The following USP14 variants were observed in gnomAD, a reference collection of about 807,000 sequenced individuals.
The protein encoded by USP14 is ubiquitin carboxyl-terminal hydrolase 14.
A neutral mutation model predicts 76.5 loss-of-function variants in USP14; 38 were observed. That is an observed-to-expected ratio of 0.50 (90% CI 0.38 to 0.65). The LOEUF is 0.65. Among genes scored for constraint, USP14 ranks in the 30% least tolerant of loss-of-function variants. USP14 has a pLI of 0.00. For missense variants in USP14, 467 were observed against 586.5 expected, an observed-to-expected ratio of 0.80 and a Z score of 2.10; for synonymous variants, 192 against 191.7, an observed-to-expected ratio of 1.00 and a Z score of -0.01.
chr18:200,584 C>T (rs1002073497), intron 10 of USP14, among the ~76,000 whole-genome samples: 9 of 152,146 alleles, frequency 5.9e-5, no homozygotes, highest in Admixed American at 3.3e-4. Flanking sequence ...TACGGACTCA[C>T]ATAAAATGTC....
chr18:158,706 T>C lies in USP14; in HGVS notation c.8T>C (p.Leu3Pro). Residue 3 changes from leucine (L) to proline (P), a missense_variant, in exon 1 of 16, where the codon CTC (leucine) becomes CCC (proline). By Grantham distance (98) the Leu-to-Pro change is moderately conservative (BLOSUM62 -3). Coordinates refer to ENST00000261601, the MANE Select transcript of USP14 (RefSeq NM_005151.4). ...CTCCCGCCGCGCCCCGCCATGCCGCTCTACTCCGGTGAGCCCTGTCCTGGC... is the reference window on the plus strand; with the variant it reads ...CTCCCGCCGCGCCCCGCCATGCCGCCCTACTCCGGTGAGCCCTGTCCTGGC... MPLYSVTVKWGKE... is the reference protein window; with the variant it reads MPPYSVTVKWGKE... 6.5e-7 allele frequency: 1 copy of C among 1,535,966 alleles called. No homozygotes were observed. Among genetic ancestry groups the C allele is most frequent in the Non-Finnish European group, 8.7e-7 (1 of 1,150,992 alleles).
In USP14 at chr18:213,346, TATC is replaced by T. The variant is rs59382008; in HGVS notation, c.*2068_*2070del. The T allele has an allele frequency of 2.0e-5, 3 of 151,932 alleles. No individual in the cohort carries two copies. The highest frequency in any genetic ancestry group is 2.9e-5 in the Non-Finnish European group (2 of 67,972). 9.4% of individuals were successfully genotyped at this position (151,932 alleles called of 1,614,324 possible). Reference sequence around the variant, plus strand: ...ATTTTAAAAATTGTAATTAATTCCTTATCATCATTATAAAAAGCTTGATTTTTT... The same window carrying T: ...ATTTTAAAAATTGTAATTAATTCCTTATCATTATAAAAAGCTTGATTTTTT... On this transcript the variant is annotated 3_prime_UTR_variant, in exon 16 of 16. Coordinates refer to ENST00000261601, the MANE Select transcript of USP14 (RefSeq NM_005151.4).
At chr18:174,090 A>G (rs1031167746) in intron 3 of USP14, among the ~76,000 whole-genome samples, 1 of 151,980 alleles carries the variant, frequency 6.6e-6, no homozygotes, top group Non-Finnish European at 1.5e-5. Context: ...TTTTCTCCAT[A>G]AGAGTCTGCT....
intron 7 of USP14, 135 bp from the exon 8 acceptor site, chr18:197,481 T>G: frequency 1.6e-6 from 1 of 630,104 alleles, no homozygotes; most frequent in Non-Finnish European, 2.7e-6. Flanking sequence ...TTTTGGAAGA[T>G]CGTATGTCTT....
chr18:182,141 C>T (rs1423798360), intron 5 of USP14, among the ~76,000 whole-genome samples: 1 of 152,052 alleles, frequency 6.6e-6, no homozygotes, highest in Non-Finnish European at 1.5e-5. Context: ...TTTATACCAT[C>T]GTATGAAAGG....
intron 3 of USP14, among the ~76,000 whole-genome samples, chr18:174,670 T>C (rs1268562822): frequency 6.6e-6 from 1 of 151,292 alleles, no homozygotes; most frequent in Admixed American, 6.6e-5. Context: ...AGTGGCACAA[T>C]CATAGCTCGC....
In USP14 at chr18:213,658, A is replaced by C. The variant is rs905551012; in HGVS notation, c.*2374A>C. Reference sequence around the variant, plus strand: ...TTAGGCCTAAGAGTGTTTACCGAATAATCTGCACTCACTCAGTAGCCCTTC... The same window carrying C: ...TTAGGCCTAAGAGTGTTTACCGAATCATCTGCACTCACTCAGTAGCCCTTC... On this transcript the variant is annotated 3_prime_UTR_variant, in exon 16 of 16. Transcript: ENST00000261601. The C allele has an allele frequency of 3.3e-5, 5 of 152,608 alleles. No homozygotes were observed. Among genetic ancestry groups the C allele is most frequent in the African/African-American group, 1.2e-4 (5 of 41,440 alleles). The allele number at this position is 152,608 out of a possible 1,614,324, so 9.5% of individuals were successfully genotyped here.
At chr18:199,394 CT>C in intron 10 of USP14, 78 bp downstream of exon 10, 1 of 990,278 alleles carries the variant, frequency 1.0e-6, no homozygotes, top group East Asian at 2.5e-5. Context: ...ATTCACTGGG[CT>C]TTAATGGTCA....
chr18:162,305 C>T (rs1909143498), intron 1 of USP14, among the ~76,000 whole-genome samples: 1 of 152,076 alleles, frequency 6.6e-6, no homozygotes, highest in African/African-American at 2.4e-5. Context: ...TACTTTTATT[C>T]CCCCCAGCAG....
chr18:210,807 G>A (rs1024852010), intron 15 of USP14, among the ~76,000 whole-genome samples: 2 of 152,182 alleles, frequency 1.3e-5, no homozygotes, highest in Non-Finnish European at 2.9e-5. Context: ...TAAATAGGAG[G>A]CAGCTGGGTT....
In USP14 at chr18:213,963, A is replaced by T. The variant is rs1910753900; in HGVS notation, c.*2679A>T. 3 of 142,136 alleles carry T rather than the reference A, an allele frequency of 2.1e-5. No homozygotes were observed. In the South Asian group the frequency reaches 6.6e-4, roughly 31 times the overall value. 8.8% of individuals were successfully genotyped at this position (142,136 alleles called of 1,614,324 possible). A position where few individuals can be genotyped will look rare whatever the true frequency, so the allele number is the denominator to read the frequency against. On this transcript the variant is annotated 3_prime_UTR_variant, in exon 16 of 16. Coordinates refer to ENST00000261601, the MANE Select transcript of USP14 (RefSeq NM_005151.4). ...CAAACAAACATTTTCTGTAATGGACAAGATAGATAGATTAGATAGATAGAT... is the reference window on the plus strand; with the variant it reads ...CAAACAAACATTTTCTGTAATGGACTAGATAGATAGATTAGATAGATAGAT...
At chr18:194,460 G>C (rs1445110307) in intron 6 of USP14, among the ~76,000 whole-genome samples, 1 of 152,094 alleles carries the variant, frequency 6.6e-6, no homozygotes, top group African/African-American at 2.4e-5. Context: ...TAAATTTACA[G>C]AAAAGTTGTA....
At chr18:188,635 G>A (rs1343298371) in intron 5 of USP14, among the ~76,000 whole-genome samples, 10 of 150,056 alleles carry the variant, frequency 6.7e-5, no homozygotes, top group Admixed American at 6.0e-4. Context: ...TGAAAGCCTT[G>A]CCCATGAAAT....
chr18:174,138 G>T (rs1030902273), intron 3 of USP14, among the ~76,000 whole-genome samples: 1 of 152,134 alleles, frequency 6.6e-6, no homozygotes, highest in Non-Finnish European at 1.5e-5. Context: ...CTGTATGTCA[G>T]TCTGGGACAT....
chr18:164,654 A>G (rs577384604), intron 2 of USP14, among the ~76,000 whole-genome samples: 5 of 152,068 alleles, frequency 3.3e-5, no homozygotes, highest in Non-Finnish European at 5.9e-5. Context: ...GGGTTTCACC[A>G]TGTTGGCCAG....
chr18:187,282 T>C (rs892071076), intron 5 of USP14, among the ~76,000 whole-genome samples: 3 of 152,164 alleles, frequency 2.0e-5, no homozygotes, highest in Non-Finnish European at 2.9e-5. Flanking sequence ...TCTAACTGGG[T>C]TTATTTATTG....
At chr18:178,559 C>T (rs114384348) in intron 3 of USP14, among the ~76,000 whole-genome samples, 7 of 152,112 alleles carry the variant, frequency 4.6e-5, no homozygotes, top group East Asian at 1.9e-4. Flanking sequence ...ACCACAATCA[C>T]GATTTAGAAG....
At chr18:199,940 C>T (rs1910341569) in intron 10 of USP14, among the ~76,000 whole-genome samples, 1 of 152,176 alleles carries the variant, frequency 6.6e-6, no homozygotes, top group Non-Finnish European at 1.5e-5. Context: ...CTAACAAAAT[C>T]AACTGTATAG....
At chr18:175,789 T>A (rs1441112070) in intron 3 of USP14, among the ~76,000 whole-genome samples, 1 of 152,128 alleles carries the variant, frequency 6.6e-6, no homozygotes, top group Non-Finnish European at 1.5e-5. Flanking sequence ...TTATTTCTGC[T>A]CCCACTCCAC....
Sources: gnomAD v4.1 joint callset for allele counts (sites outside exome capture counted in the v4.1 genomes callset) on GRCh38, gnomAD v4.1.1 for gene constraint, MANE v1.5 for transcripts, NCBI Gene and HGNC (gene_info 2026-07-23, HGNC 2026-07-21) for gene names.